Variants in MAGI1 observed in about 807,000 individuals in gnomAD.
MAGI1 encodes the protein membrane-associated guanylate kinase, WW and PDZ domain-containing protein 1.
MAGI1 carries 58 observed loss-of-function variants against 139.9 expected under a neutral mutation model. That is an observed-to-expected ratio of 0.41 (90% CI 0.34 to 0.52). The LOEUF is 0.52. Ranked by LOEUF, MAGI1 falls within the 20% of genes least tolerant of loss-of-function variation. The pLI is 0.12. For missense variants in MAGI1, 1,874 were observed against 1,901.6 expected, an observed-to-expected ratio of 0.99 and a Z score of 0.27; for synonymous variants, 812 against 737.9, an observed-to-expected ratio of 1.10 and a Z score of -1.63.
At chr3:65,614,591 G>C (rs1045225769) in intron 2 of MAGI1, among the ~76,000 whole-genome samples, 30 of 152,018 alleles carry the variant, frequency 2.0e-4, no homozygotes. Flanking sequence ...TTTTAAATTA[G>C]AAAGCATGGT....
In MAGI1 at chr3:65,959,598, A is replaced by ATTT. The variant is rs199630517; in HGVS notation, c.313+78395_313+78397dup. On this transcript the variant is annotated intron_variant, in intron 1 of 22. Transcript: ENST00000402939. ...TACAGACATGGGCCACCATCCCAGCATTTTTATTATTATTATTATTATTAT... is the reference window on the plus strand; with the variant it reads ...TACAGACATGGGCCACCATCCCAGCATTTTTTTTATTATTATTATTATTATTAT... Among the ~76,000 whole-genome samples the ATTT allele has an allele frequency of 5.6e-3, 771 of 137,802 alleles. 4 individuals carry two copies. Among genetic ancestry groups the ATTT allele is most frequent in the Middle Eastern group, 0.015 (4 of 266 alleles). 90.4% of individuals were successfully genotyped at this position (137,802 alleles called of 152,430 possible).
At chr3:65,880,117 C>T (rs1364653893) in intron 1 of MAGI1, among the ~76,000 whole-genome samples, 1 of 152,146 alleles carries the variant, frequency 6.6e-6, no homozygotes, top group Non-Finnish European at 1.5e-5. Flanking sequence ...TGGCACACAC[C>T]TGTAGTCCCA....
At chr3:65,531,775 C>T (rs1404536) in intron 2 of MAGI1, among the ~76,000 whole-genome samples, 54,606 of 151,922 alleles carry the variant, frequency 0.36, 10,830 homozygotes, top group East Asian at 0.69. Context: ...CCCTGACTTT[C>T]CAATATTTCA....
chr3:65,477,797 G>A (rs775464361), intron 4 of MAGI1, among the ~76,000 whole-genome samples: 1 of 150,550 alleles, frequency 6.6e-6, no homozygotes, highest in Non-Finnish European at 1.5e-5. Context: ...TCGGCTCACT[G>A]CAATCTTTGC....
intron 1 of MAGI1, among the ~76,000 whole-genome samples, chr3:65,643,431 G>A (rs969174797): frequency 1.3e-5 from 2 of 152,100 alleles, no homozygotes; most frequent in African/African-American, 4.8e-5. Context: ...TGTAAAGATA[G>A]GGCAGACATA....
chr3:65,812,458 T>TCACACACACACA (rs779884222), intron 1 of MAGI1, among the ~76,000 whole-genome samples: 2,271 of 101,364 alleles, frequency 0.022, 13 homozygotes, highest in African/African-American at 0.036. Context: ...TCTCTCTCTC[T>TCACACACACACA]CTCTCTCTCT....
chr3:65,957,931 G>C (rs1576257907), intron 1 of MAGI1, among the ~76,000 whole-genome samples: 2 of 151,862 alleles, frequency 1.3e-5, no homozygotes, highest in East Asian at 3.9e-4. Flanking sequence ...ACCACGCGCA[G>C]CTAATTTTGT....
intron 2 of MAGI1, chr3:65,533,022 T>A (rs1446734553): frequency 1.3e-5 from 2 of 152,262 alleles, no homozygotes; most frequent in African/African-American, 4.8e-5. Context: ...ACTTTGTAAA[T>A]GTCTGCCTCC....
intron 2 of MAGI1, among the ~76,000 whole-genome samples, chr3:65,568,368 G>A (rs2080777961): frequency 6.6e-6 from 1 of 152,036 alleles, no homozygotes; most frequent in African/African-American, 2.4e-5. Flanking sequence ...ATCCATGCAG[G>A]CAATATAGGT....
At chr3:65,577,871 C>G (rs987823383) in intron 2 of MAGI1, among the ~76,000 whole-genome samples, 10 of 152,220 alleles carry the variant, frequency 6.6e-5, no homozygotes, top group African/African-American at 2.4e-4. Context: ...GACTCTAAGG[C>G]AGGCAGAATC....
At position 65,440,026 on chromosome 3, in the gene MAGI1, C is replaced by T. The variant is rs1186802109; in HGVS notation, c.1137-14G>A. The T allele has an allele frequency of 3.7e-6, 6 of 1,613,632 alleles. No homozygotes were observed. The highest frequency in any genetic ancestry group is 1.3e-5 in the African/African-American group (1 of 74,880). On this transcript the variant is annotated splice_polypyrimidine_tract_variant and intron_variant, in intron 8 of 22. Coordinates refer to ENST00000402939, the MANE Select transcript of MAGI1 (RefSeq NM_001033057.2). ...CTGTTGATGTGGCTGGGGAAGATAG[C>T]AAATAGTATTCAGCTTGAAACAGTT...
intron 1 of MAGI1, among the ~76,000 whole-genome samples, chr3:65,626,005 C>A (rs1367461921): frequency 1.3e-5 from 2 of 152,118 alleles, no homozygotes; most frequent in African/African-American, 4.8e-5. Flanking sequence ...CTAACTCCAG[C>A]TTGAGGTATA....
chr3:65,467,029 C>T (rs1950217729), intron 5 of MAGI1, among the ~76,000 whole-genome samples: 1 of 152,192 alleles, frequency 6.6e-6, no homozygotes, highest in Non-Finnish European at 1.5e-5. Flanking sequence ...TATCTGTAGG[C>T]ATTTCTGGGT....
intron 5 of MAGI1, among the ~76,000 whole-genome samples, chr3:65,459,086 A>G (rs1389041326): frequency 6.6e-6 from 1 of 152,084 alleles, no homozygotes; most frequent in African/African-American, 2.4e-5. Context: ...TGTGCTTGGC[A>G]CCTTTGTCTA....
chr3:65,836,838 G>C (rs911468740), intron 1 of MAGI1, among the ~76,000 whole-genome samples: 2 of 152,078 alleles, frequency 1.3e-5, no homozygotes, highest in African/African-American at 4.8e-5. Context: ...AAGAGAGAAA[G>C]AGCGAGCTGT....
chr3:66,006,606 A>G (rs1006644708), intron 1 of MAGI1, among the ~76,000 whole-genome samples: 7 of 152,184 alleles, frequency 4.6e-5, no homozygotes, highest in Non-Finnish European at 7.3e-5. Context: ...TCATCTGTTT[A>G]GACTCTGATC....
intron 1 of MAGI1, among the ~76,000 whole-genome samples, chr3:65,701,355 C>T (rs146948948): frequency 9.1e-4 from 138 of 152,212 alleles, no homozygotes; most frequent in Middle Eastern, 3.4e-3. Context: ...CGGGGTCAAG[C>T]GATTCTCCTG....
intron 2 of MAGI1, among the ~76,000 whole-genome samples, chr3:65,538,403 T>C (rs189364230): frequency 3.6e-4 from 55 of 152,276 alleles, no homozygotes; most frequent in South Asian, 1.5e-3. Flanking sequence ...CATGTGGTGA[T>C]AAAAAACACT....
At chr3:65,921,175 A>C (rs972329281) in intron 1 of MAGI1, among the ~76,000 whole-genome samples, 3 of 152,222 alleles carry the variant, frequency 2.0e-5, no homozygotes, top group Non-Finnish European at 4.4e-5. Context: ...CCCACTGCAG[A>C]ATTATTTAAC....
Sources: gnomAD v4.1 joint callset for allele counts (sites outside exome capture counted in the v4.1 genomes callset) on GRCh38, gnomAD v4.1.1 for gene constraint, MANE v1.5 for transcripts, NCBI Gene and HGNC (gene_info 2026-07-23, HGNC 2026-07-21) for gene names.